The following SUMF1 variants were observed in gnomAD, a reference collection of about 807,000 sequenced individuals.
SUMF1 encodes formylglycine-generating enzyme.
In SUMF1, 48 loss-of-function variants were observed where a neutral mutation model predicts 47.6. The observed-to-expected ratio is 1.01, with a 90% CI of 0.80 to 1.28. The LOEUF is 1.28. SUMF1 is among the 50% of genes most tolerant of loss of function. The pLI is 0.00. For synonymous variants in SUMF1, 230 were observed against 192.1 expected (o/e 1.20, Z -1.63); for missense variants, 571 against 485.4 (o/e 1.18, Z -1.66).
rs371357968 is a variant in SUMF1 at position 4,230,762 on chromosome 3, A to G, written c.1014+145568T>C. 2.9e-4 allele frequency among the ~76,000 whole-genome samples: 44 copies of G among 152,170 alleles called. No homozygotes were observed. In the East Asian group the frequency reaches 7.4e-3, roughly 26 times the overall value. ...TTCGTCTTTCTGGTGACCAGCCCCCATTCTGAAGCTGTCTGGGGGCCTCCA... is the reference window on the plus strand; with the variant it reads ...TTCGTCTTTCTGGTGACCAGCCCCCGTTCTGAAGCTGTCTGGGGGCCTCCA... On this transcript the variant is annotated intron_variant and NMD_transcript_variant, in intron 8 of 12. Coordinates refer to the SUMF1 transcript ENST00000448413.
intron 8 of SUMF1, among the ~76,000 whole-genome samples, chr3:4,343,405 A>T (rs1699312192): frequency 6.6e-6 from 1 of 152,190 alleles, no homozygotes. Context: ...GGGGAGTGCA[A>T]ACAATTTATT....
At chr3:4,267,508 T>C (rs1368314021) in intron 8 of SUMF1, among the ~76,000 whole-genome samples, 1 of 152,224 alleles carries the variant, frequency 6.6e-6, no homozygotes, top group Non-Finnish European at 1.5e-5. Flanking sequence ...CTAGTTTATT[T>C]GCATAGAGGT....
At chr3:4,442,205 G>A (rs1417187085) in intron 3 of SUMF1, among the ~76,000 whole-genome samples, 1 of 152,088 alleles carries the variant, frequency 6.6e-6, no homozygotes, top group Non-Finnish European at 1.5e-5. Flanking sequence ...AGGTTTAAGG[G>A]GCCCATGGTA....
chr3:4,431,292 C>T (rs1426342204), intron 3 of SUMF1, among the ~76,000 whole-genome samples: 2 of 152,182 alleles, frequency 1.3e-5, no homozygotes, highest in African/African-American at 4.8e-5. Context: ...CTGATTGATC[C>T]CCATCCTTCA....
intron 8 of SUMF1, among the ~76,000 whole-genome samples, chr3:4,254,048 G>C (rs1433620755): frequency 6.6e-6 from 1 of 151,348 alleles, no homozygotes; most frequent in Non-Finnish European, 1.5e-5. Context: ...CTGCAGCTGA[G>C]GGTCCTGTCT....
At chr3:4,183,805 A>T (rs1695144121) in intron 8 of SUMF1, among the ~76,000 whole-genome samples, 1 of 152,298 alleles carries the variant, frequency 6.6e-6, no homozygotes, top group East Asian at 1.9e-4. Flanking sequence ...AATTAAAACA[A>T]AGAACTGGAA....
At chr3:4,147,306 C>G (rs1445035786) in intron 8 of SUMF1, among the ~76,000 whole-genome samples, 1 of 152,066 alleles carries the variant, frequency 6.6e-6, no homozygotes, top group Non-Finnish European at 1.5e-5. Flanking sequence ...CCAGCCATCC[C>G]ATTACTGGGT....
intron 8 of SUMF1, chr3:4,316,446 G>A (rs781159292): frequency 1.2e-6 from 2 of 1,601,304 alleles, no homozygotes; most frequent in East Asian, 2.3e-5. Context: ...CCAGTTGAGA[G>A]CAATCATCGA....
At chr3:4,284,809 C>G (rs1308120144) in intron 8 of SUMF1, among the ~76,000 whole-genome samples, 3 of 152,126 alleles carry the variant, frequency 2.0e-5, no homozygotes, top group African/African-American at 7.2e-5. Flanking sequence ...ATCTGTGGTG[C>G]TTGTAAATGA....
At chr3:4,135,592 C>T (rs140823887) in intron 8 of SUMF1, among the ~76,000 whole-genome samples, 33 of 152,232 alleles carry the variant, frequency 2.2e-4, no homozygotes, top group African/African-American at 6.5e-4. Flanking sequence ...GTCACCACTC[C>T]GATTCCAACA....
chr3:4,163,944 A>T (rs914044003), intron 8 of SUMF1, among the ~76,000 whole-genome samples: 1 of 152,094 alleles, frequency 6.6e-6, no homozygotes, highest in Non-Finnish European at 1.5e-5. Context: ...ACTGAGAATC[A>T]CCTGTGAGAA....
chr3:4,336,972 G>A (rs1157717157), intron 8 of SUMF1, among the ~76,000 whole-genome samples: 3 of 152,070 alleles, frequency 2.0e-5, no homozygotes, highest in Non-Finnish European at 4.4e-5. Flanking sequence ...GCAGCCAATT[G>A]CAAACTGCTG....
chr3:4,320,719 A>T (rs2125116162), intron 8 of SUMF1, among the ~76,000 whole-genome samples: 1 of 152,322 alleles, frequency 6.6e-6, no homozygotes, highest in South Asian at 2.1e-4. Context: ...GACAACTTTT[A>T]ATCTCCTCTG....
At chr3:4,229,337 T>A (rs1696247698) in intron 8 of SUMF1, 1 of 414,512 alleles carries the variant, frequency 2.4e-6, no homozygotes, top group African/African-American at 2.1e-5. Context: ...GAGCCTTTGA[T>A]AATCCACCTT....
intron 8 of SUMF1, among the ~76,000 whole-genome samples, chr3:4,074,628 T>C (rs1444309173): frequency 6.6e-6 from 1 of 151,616 alleles, no homozygotes; most frequent in Non-Finnish European, 1.5e-5. Flanking sequence ...AAGAATCAAA[T>C]AGACCCAATA....
At chr3:4,076,151 C>A (rs911309323) in intron 8 of SUMF1, among the ~76,000 whole-genome samples, 3 of 151,994 alleles carry the variant, frequency 2.0e-5, no homozygotes, top group South Asian at 2.1e-4. Flanking sequence ...ATATATAGAC[C>A]AATGGAACAG....
chr3:4,035,356 C>A (rs1232509112), intron 9 of SUMF1, among the ~76,000 whole-genome samples: 1 of 152,072 alleles, frequency 6.6e-6, no homozygotes, highest in African/African-American at 2.4e-5. Context: ...AGCTCCAGGC[C>A]ATCATTGGCT....
chr3:4,218,651 T>C (rs1695992993), intron 8 of SUMF1, among the ~76,000 whole-genome samples: 1 of 152,186 alleles, frequency 6.6e-6, no homozygotes, highest in African/African-American at 2.4e-5. Flanking sequence ...AGGCCAGAGC[T>C]TCAAATGTCA....
chr3:4,448,222 C>T (rs1211311580), intron 3 of SUMF1, among the ~76,000 whole-genome samples: 1 of 152,108 alleles, frequency 6.6e-6, no homozygotes, highest in African/African-American at 2.4e-5. Flanking sequence ...TCTTGTTTTA[C>T]CTCACCGTTT....
Sources: allele counts gnomAD v4.1 joint callset (sites outside exome capture counted in the v4.1 genomes callset), GRCh38; gene constraint gnomAD v4.1.1; transcripts MANE v1.5; gene names NCBI Gene and HGNC (gene_info 2026-07-23, HGNC 2026-07-21).